The following MAN2A1 variants were observed in gnomAD, a reference collection of about 807,000 sequenced individuals.
The protein encoded by MAN2A1 is mannosidase alpha class 2A member 1.
Under a neutral mutation model 142.6 loss-of-function variants are expected in MAN2A1, and 76 were observed. The ratio of observed to expected loss-of-function variants is 0.53; its 90% CI spans 0.44 to 0.65. MAN2A1 has a LOEUF of 0.65. Among genes scored for constraint, MAN2A1 ranks in the 30% least tolerant of loss-of-function variants. MAN2A1 has a pLI of 0.00. For synonymous variants in MAN2A1, 559 were observed against 473.2 expected (o/e 1.18, Z -2.35); for missense variants, 1,311 against 1,365.1 (o/e 0.96, Z 0.62).
At chr5:109,704,728 C>T (rs1456493528) in intron 1 of MAN2A1, among the ~76,000 whole-genome samples, 4 of 152,192 alleles carry the variant, frequency 2.6e-5, no homozygotes, top group East Asian at 3.8e-4. Context: ...GCAGCAATAA[C>T]GATGACACCC....
rs559025959 is a variant in MAN2A1 at position 109,772,384 on chromosome 5, A to G, written c.1196+1843A>G. On this transcript the variant is annotated intron_variant, in intron 7 of 21. Coordinates refer to ENST00000261483, the MANE Select transcript of MAN2A1 (RefSeq NM_002372.4). ...ACTTCGTCTCTAAAATAAACAAACA[A>G]ACAAACTTCTTACAAGTATTGAAAT... Among the ~76,000 whole-genome samples, 13 of 152,314 alleles carry G rather than the reference A, an allele frequency of 8.5e-5. No individual in the cohort carries two copies. The East Asian group carries it at 1.9e-3, about 23-fold the overall frequency.
At position 109,770,399 on chromosome 5, in the gene MAN2A1, T is replaced by C. The variant is rs773193085; in HGVS notation, c.1054T>C (p.Tyr352His). 1 of 1,613,926 alleles carries C rather than the reference T, an allele frequency of 6.2e-7. No homozygotes were observed. The highest frequency in any genetic ancestry group is 1.3e-5 in the African/African-American group (1 of 74,936). Residue 352 changes from tyrosine to histidine, a missense_variant, in exon 7 of 22, where the codon TAC becomes CAC. Tyr to His is a moderately conservative substitution (Grantham distance 83). Transcript: ENST00000261483. ...TDILCHMMPF[Y>H]SYDIPHTCGP... The stretch of plus-strand genomic sequence containing the variant: ...TATTTTATGCCACATGATGCCCTTC[T>C]ACAGCTATGACATCCCTCACACTTG...
chr5:109,760,776 T>A (rs1225236219), intron 5 of MAN2A1, among the ~76,000 whole-genome samples: 1 of 152,218 alleles, frequency 6.6e-6, no homozygotes, highest in Non-Finnish European at 1.5e-5. Flanking sequence ...AAATGTCTTC[T>A]TTTGAGAAGT....
chr5:109,722,406 CTTTTGTTTTG>C (rs1046464683), intron 3 of MAN2A1, among the ~76,000 whole-genome samples: 2 of 151,910 alleles, frequency 1.3e-5, no homozygotes, highest in Admixed American at 1.3e-4. Context: ...TATTTTCCAG[CTTTTGTTTTG>C]TTTTGTTTTG....
chr5:109,753,277 A>T (rs1003607793), intron 4 of MAN2A1, among the ~76,000 whole-genome samples: 9 of 152,236 alleles, frequency 5.9e-5, no homozygotes, highest in Admixed American at 5.9e-4. Flanking sequence ...TGGCTAAATC[A>T]GGCAATCACC....
chr5:109,756,912 C>T (rs1325262624), intron 5 of MAN2A1, among the ~76,000 whole-genome samples: 2 of 152,140 alleles, frequency 1.3e-5, no homozygotes, highest in Non-Finnish European at 2.9e-5. Context: ...ACAGAGGGTG[C>T]CTACATGACC....
At chr5:109,796,991 A>G (rs1753881168) in intron 12 of MAN2A1, among the ~76,000 whole-genome samples, 1 of 152,204 alleles carries the variant, frequency 6.6e-6, no homozygotes, top group South Asian at 2.1e-4. Flanking sequence ...GGCACACAGT[A>G]GGTGTTCAAC....
intron 19 of MAN2A1, among the ~76,000 whole-genome samples, chr5:109,851,862 A>G (rs926831902): frequency 6.6e-6 from 1 of 152,184 alleles, no homozygotes; most frequent in South Asian, 2.1e-4. Flanking sequence ...TCAGATTAAA[A>G]TATTAAATAC....
intron 4 of MAN2A1, among the ~76,000 whole-genome samples, chr5:109,746,572 G>GTTT (rs34492008): frequency 4.4e-4 from 56 of 126,080 alleles, no homozygotes; most frequent in Middle Eastern, 4.3e-3. Context: ...CATTGTGCTG[G>GTTT]TTTTTTTTTT....
In MAN2A1 at chr5:109,844,578, T is replaced by G. The variant is rs1200643746; in HGVS notation, c.2701-1287T>G. Among the ~76,000 whole-genome samples, 3 of 152,190 alleles carry G rather than the reference T, an allele frequency of 2.0e-5. No individual in the cohort carries two copies. The East Asian group carries it at 5.8e-4, about 29-fold the overall frequency. On this transcript the variant is annotated intron_variant, in intron 17 of 21. Transcript: ENST00000261483. ...GGAATCACGTAAAACAACAAAACTT[T>G]ATTCTTTCACAGTTCTGGAGACTAG... is the stretch of plus-strand genomic sequence containing the variant.
intron 4 of MAN2A1, among the ~76,000 whole-genome samples, chr5:109,743,876 C>A (rs1274082258): frequency 2.0e-5 from 3 of 152,202 alleles, no homozygotes; most frequent in African/African-American, 7.2e-5. Flanking sequence ...CTGACACATA[C>A]TGACTTTTTC....
intron 2 of MAN2A1, among the ~76,000 whole-genome samples, chr5:109,714,670 GTAAA>G (rs1480913503): frequency 6.6e-6 from 1 of 152,200 alleles, no homozygotes; most frequent in East Asian, 1.9e-4. Context: ...ATCCTAAGGG[GTAAA>G]TATTTTAAAG....
intron 18 of MAN2A1, 111 bp from the exon 19 acceptor site, chr5:109,847,546 A>C: frequency 1.2e-5 from 11 of 955,424 alleles, no homozygotes; most frequent in Non-Finnish European, 1.5e-5. Flanking sequence ...CTCCTTGACT[A>C]GAGAGGAAAT....
chr5:109,773,386 T>C (rs1753199802), intron 7 of MAN2A1, among the ~76,000 whole-genome samples: 1 of 152,198 alleles, frequency 6.6e-6, no homozygotes, highest in Admixed American at 6.5e-5. Context: ...TTTTTTATGC[T>C]GGCTGCCTAG....
chr5:109,698,841 T>C (rs775323544), intron 1 of MAN2A1, among the ~76,000 whole-genome samples: 1 of 152,144 alleles, frequency 6.6e-6, no homozygotes, highest in Non-Finnish European at 1.5e-5. Context: ...AGGTACACAT[T>C]GACAATAGAA....
At chr5:109,843,542 A>G (rs1415863260) in intron 17 of MAN2A1, among the ~76,000 whole-genome samples, 1 of 152,214 alleles carries the variant, frequency 6.6e-6, no homozygotes, top group African/African-American at 2.4e-5. Flanking sequence ...GTATGATCTA[A>G]TAATGGGCCC....
At chr5:109,840,457 A>G in intron 16 of MAN2A1, 1 of 466,766 alleles carries the variant, frequency 2.1e-6, no homozygotes, top group Admixed American at 2.4e-5. Context: ...CTTTGCTGCA[A>G]CCACTGAAGT....
intron 4 of MAN2A1, among the ~76,000 whole-genome samples, chr5:109,740,057 C>G (rs571766930): frequency 6.6e-6 from 1 of 152,298 alleles, no homozygotes; most frequent in East Asian, 1.9e-4. Flanking sequence ...TCATTTTCCT[C>G]CAGCCCTTTG....
intron 12 of MAN2A1, among the ~76,000 whole-genome samples, chr5:109,805,304 C>T (rs545109467): frequency 6.6e-6 from 1 of 152,186 alleles, no homozygotes; most frequent in Admixed American, 6.5e-5. Context: ...CTGTTGTGTA[C>T]TGGAAATAGT....
Sources: allele counts gnomAD v4.1 joint callset (sites outside exome capture counted in the v4.1 genomes callset), GRCh38; gene constraint gnomAD v4.1.1; transcripts MANE v1.5; gene names NCBI Gene and HGNC (gene_info 2026-07-23, HGNC 2026-07-21).